The following GRAMD2B variants were observed in gnomAD, a reference collection of about 807,000 sequenced individuals.
The protein encoded by GRAMD2B is GRAM domain-containing protein 2B.
In GRAMD2B, 41 loss-of-function variants were observed where a neutral mutation model predicts 59.2. The observed-to-expected ratio is 0.69, with a 90% CI of 0.54 to 0.90. The LOEUF (loss-of-function observed/expected upper bound fraction) is 0.90. GRAMD2B is among the 40% of genes least tolerant of loss of function. The pLI, the probability that GRAMD2B is intolerant of heterozygous loss-of-function variation, is 0.00. For missense variants in GRAMD2B, 424 were observed against 500.5 expected (o/e 0.85, Z 1.46); for synonymous variants, 161 against 182.7 (o/e 0.88, Z 0.96).
chr5:126,427,005 A>C (rs909760138), intron 1 of GRAMD2B, among the ~76,000 whole-genome samples: 1 of 152,034 alleles, frequency 6.6e-6, no homozygotes, highest in Non-Finnish European at 1.5e-5. Flanking sequence ...TACCTTTTTC[A>C]TTCTGAATTT....
At chr5:126,438,023 T>G (rs1290236210) in intron 1 of GRAMD2B, among the ~76,000 whole-genome samples, 1 of 152,220 alleles carries the variant, frequency 6.6e-6, no homozygotes, top group Non-Finnish European at 1.5e-5. Context: ...CACGTCCCCA[T>G]GTCTGCCTGT....
chr5:126,466,438 T>A, intron 2 of GRAMD2B: 1 of 702,884 alleles, frequency 1.4e-6, no homozygotes, highest in South Asian at 1.6e-5. Context: ...ACCTTTTTTT[T>A]TTTTCCAGTC....
intron 11 of GRAMD2B, 61 bp from the exon 12 acceptor site, chr5:126,486,812 T>C: frequency 9.6e-7 from 1 of 1,042,464 alleles, no homozygotes; most frequent in South Asian, 1.3e-5. Flanking sequence ...ACTGAGTTGT[T>C]TTATGAACAT....
At chr5:126,423,176 CCT>C (rs767858012), upstream of GRAMD2B, 71 of 1,002,832 alleles carry the variant, frequency 7.1e-5, no homozygotes, top group Non-Finnish European at 8.1e-5. Context: ...TAAAAATCCC[CCT>C]GTTACAGTCG....
intron 1 of GRAMD2B, among the ~76,000 whole-genome samples, chr5:126,375,457 CT>C (rs1396365981): frequency 6.6e-6 from 1 of 151,966 alleles, no homozygotes; most frequent in Non-Finnish European, 1.5e-5. Flanking sequence ...CAAGCTCTGC[CT>C]TCCTGGGTTC....
At chr5:126,474,022 G>C (rs996447467) in intron 5 of GRAMD2B, among the ~76,000 whole-genome samples, 3 of 152,192 alleles carry the variant, frequency 2.0e-5, no homozygotes, top group African/African-American at 7.2e-5. Context: ...TAAAGGAATT[G>C]GCACTGCCCT....
At position 126,423,470 on chromosome 5, in the gene GRAMD2B, G is replaced by A; in HGVS notation, c.-137G>A. The A allele has an allele frequency of 6.9e-7, 1 of 1,447,524 alleles. No homozygotes were observed. The highest frequency in any genetic ancestry group is 9.0e-7 in the Non-Finnish European group (1 of 1,106,114). The allele number at this position is 1,447,524 out of a possible 1,614,324, so 89.7% of individuals were successfully genotyped here. ...CCGGGAGCTTGGCGCGGCCCGGCCT[G>A]GATGCGCTGGGCGGAGGGTGCAGGG... On this transcript the variant is annotated 5_prime_UTR_variant, in exon 1 of 14. Coordinates refer to ENST00000285689, the MANE Select transcript of GRAMD2B (RefSeq NM_023927.4).
At chr5:126,472,401 C>T (rs1769776344) in intron 4 of GRAMD2B, 97 bp downstream of exon 4, 2 of 852,890 alleles carry the variant, frequency 2.3e-6, no homozygotes, top group African/African-American at 1.7e-5. Context: ...GACTGAGTCA[C>T]CAAGGGGATC....
chr5:126,484,552 G>A, intron 10 of GRAMD2B, 28 bp downstream of exon 10: 1 of 1,580,198 alleles, frequency 6.3e-7, no homozygotes, highest in Admixed American at 2.0e-5. Flanking sequence ...CAGGGGGGTG[G>A]GTTTAGAAGG....
chr5:126,442,907 A>G (rs1286124642), intron 1 of GRAMD2B, among the ~76,000 whole-genome samples: 1 of 152,176 alleles, frequency 6.6e-6, no homozygotes, highest in African/African-American at 2.4e-5. Context: ...TGTGGCCCAT[A>G]TTTTGATTTT....
intron 1 of GRAMD2B, among the ~76,000 whole-genome samples, chr5:126,439,247 T>C (rs1479482314): frequency 1.3e-5 from 2 of 152,216 alleles, no homozygotes; most frequent in South Asian, 2.1e-4. Context: ...ACTTTCCGTA[T>C]GTTGAAATAT....
At chr5:126,403,872 C>T (rs934785735) in intron 1 of GRAMD2B, among the ~76,000 whole-genome samples, 2 of 151,756 alleles carry the variant, frequency 1.3e-5, no homozygotes, top group East Asian at 3.9e-4. Context: ...CTGGAACAAA[C>T]CAACTTATAA....
At chr5:126,480,209 C>G (rs1318280033) in intron 6 of GRAMD2B, 3 of 415,604 alleles carry the variant, frequency 7.2e-6, no homozygotes, top group Non-Finnish European at 1.3e-5. Flanking sequence ...CTTCATTTTG[C>G]CCTACATGTA....
At chr5:126,366,846 C>CT (rs59718576), upstream of GRAMD2B, among the ~76,000 whole-genome samples, 82 of 107,708 alleles carry the variant, frequency 7.6e-4, no homozygotes, top group African/African-American at 9.3e-4. Context: ...CAGACCAAGG[C>CT]TTTTTTTTTT....
chr5:126,434,514 A>T (rs953348360), intron 1 of GRAMD2B, among the ~76,000 whole-genome samples: 5 of 150,646 alleles, frequency 3.3e-5, no homozygotes, highest in Admixed American at 3.3e-4. Context: ...CCTTTTTTTT[A>T]TTTTTATTTT....
chr5:126,406,906 A>C (rs937770233), intron 1 of GRAMD2B, among the ~76,000 whole-genome samples: 1 of 152,022 alleles, frequency 6.6e-6, no homozygotes, highest in Non-Finnish European at 1.5e-5. Context: ...TTTGAATACA[A>C]ATTCTGTTTT....
intron 1 of GRAMD2B, among the ~76,000 whole-genome samples, chr5:126,363,048 G>C (rs1265505986): frequency 6.6e-6 from 1 of 152,144 alleles, no homozygotes; most frequent in Non-Finnish European, 1.5e-5. Flanking sequence ...CCTATGAAAT[G>C]ATAGAAAATA....
At chr5:126,360,561 C>A in intron 1 of GRAMD2B, 1 of 1,161,222 alleles carries the variant, frequency 8.6e-7, no homozygotes, top group Non-Finnish European at 1.2e-6. Context: ...AGTGTCTCCA[C>A]ATGGAGAATG....
chr5:126,465,375 A>C (rs576742337), intron 1 of GRAMD2B, 51 bp from the exon 2 acceptor site: 62 of 1,609,944 alleles, frequency 3.9e-5, no homozygotes, highest in Non-Finnish European at 4.9e-5. Context: ...TTTTCCTTCC[A>C]GCTACCTCTC....
Sources: gnomAD v4.1 joint callset for allele counts (sites outside exome capture counted in the v4.1 genomes callset) on GRCh38, gnomAD v4.1.1 for gene constraint, MANE v1.5 for transcripts, NCBI Gene and HGNC (gene_info 2026-07-23, HGNC 2026-07-21) for gene names.